The following DDX54 variants were observed in gnomAD, a reference collection of about 807,000 sequenced individuals.
DDX54 encodes ATP-dependent RNA helicase DDX54.
DDX54 carries 67 observed loss-of-function variants against 105.5 expected under a neutral mutation model. The ratio of observed to expected loss-of-function variants is 0.64; its 90% CI spans 0.52 to 0.78. DDX54 has a LOEUF of 0.78. Among genes scored for constraint, DDX54 ranks in the 30% least tolerant of loss-of-function variants. The pLI is 0.00. For synonymous variants in DDX54, 514 were observed against 509.9 expected (o/e 1.01, Z -0.11); for missense variants, 1,206 against 1,230.5 (o/e 0.98, Z 0.30).
At chr12:113,184,944 G>T (rs1034268496) in intron 1 of DDX54, among the ~76,000 whole-genome samples, 2 of 152,214 alleles carry the variant, frequency 1.3e-5, no homozygotes, top group Non-Finnish European at 2.9e-5. Flanking sequence ...CTCAAAGTCA[G>T]ATCTTCTGCA....
At chr12:113,176,976 G>T in intron 6 of DDX54, 41 bp from the exon 7 acceptor site, 1 of 1,613,706 alleles carries the variant, frequency 6.2e-7, no homozygotes, top group Non-Finnish European at 8.5e-7. Flanking sequence ...CAGGGCCAGG[G>T]CCACCACCAC....
chr12:113,162,060 T>C (rs1952215324), intron 17 of DDX54, 63 bp from the exon 18 acceptor site: 2 of 1,502,456 alleles, frequency 1.3e-6, no homozygotes, highest in Admixed American at 1.7e-5. Context: ...CGGCTGCCGC[T>C]TGGGGCCTGT....
chr12:113,185,362 T>C lies in DDX54; in HGVS notation c.90A>G (p.Arg30=), dbSNP rs755696789. Residue 30 remains arginine (R), a synonymous_variant, in exon 1 of 20, where the codon CGA becomes CGG. Transcript: ENST00000306014. ...TGCCGCGGGCCTGGGAGGCCGCGCC[T>C]CGGCGCTTCCGGAGCCCTTTCTTCT... ...WRKKKGLRKR[R]GAASQARGSD... The C allele has an allele frequency of 2.5e-6, 4 of 1,581,316 alleles. No individual in the cohort carries two copies. The highest frequency in any genetic ancestry group is 3.4e-6 in the Non-Finnish European group (4 of 1,166,636).
chr12:113,165,966 C>T lies in DDX54; in HGVS notation c.1481G>A (p.Gly494Asp), dbSNP rs766684917. The T allele has an allele frequency of 1.9e-6, 3 of 1,613,326 alleles. No individual in the cohort carries two copies. The highest frequency in any genetic ancestry group is 2.5e-6 in the Non-Finnish European group (3 of 1,180,024). Residue 494 changes from glycine to aspartate, a missense_variant, in exon 13 of 20, where the codon GGT (glycine) becomes GAT (aspartate). Gly to Asp is a moderately conservative substitution (Grantham distance 94). Transcript: ENST00000306014. ...PQSVVDEEDS[G>D]LQSTLEASLE... ...CGATGCCTCCAGGGTGCTCTGCAGA[C>T]CACTGTCCTCCTCGTCCACCACACT...
intron 12 of DDX54, among the ~76,000 whole-genome samples, chr12:113,169,330 T>C (rs763634230): frequency 6.7e-6 from 1 of 150,168 alleles, no homozygotes; most frequent in Admixed American, 6.6e-5. Context: ...CGTTAAAAAA[T>C]AGAAGGAATC....
At chr12:113,168,669 G>A (rs1430608786) in intron 12 of DDX54, among the ~76,000 whole-genome samples, 3 of 151,938 alleles carry the variant, frequency 2.0e-5, no homozygotes, top group African/African-American at 7.3e-5. Flanking sequence ...AGTGGCTCAC[G>A]CCTGTAATTC....
intron 11 of DDX54, 111 bp from the exon 12 acceptor site, chr12:113,170,015 C>T: frequency 6.9e-7 from 1 of 1,449,208 alleles, no homozygotes. Flanking sequence ...TCGAACCTCA[C>T]ACGGCTGCTG....
rs1372709525 is a variant in DDX54, at chr12:113,180,944, C to T, written c.289G>A (p.Gly97Ser). ...AQNKKKKKSG[G>S]FQSMGLSYPV... is the part of the protein sequence containing the mutation. ...TTGCACCCACCCATGGACTGGAAGC[C>T]TCCAGACTTCTTCTTCTTCTTGTTC... The change falls in exon 2 of 20, where the codon GGC becomes AGC. Residue 97 changes from glycine to serine, a missense_variant. By Grantham distance (56) the Gly-to-Ser change is moderately conservative (BLOSUM62 0). Transcript: ENST00000306014. 6.2e-7 allele frequency: 1 copy of T among 1,613,616 alleles called. No individual in the cohort carries two copies. The highest frequency in any genetic ancestry group is 8.5e-7 in the Non-Finnish European group (1 of 1,179,844).
intron 17 of DDX54, among the ~76,000 whole-genome samples, chr12:113,162,475 G>T (rs191792281): frequency 6.6e-6 from 1 of 152,342 alleles, no homozygotes; most frequent in African/African-American, 2.4e-5. Context: ...CACACCTGCT[G>T]TGAGTGGTCA....
At chr12:113,167,032 G>C (rs578047965) in intron 12 of DDX54, among the ~76,000 whole-genome samples, 17 of 152,262 alleles carry the variant, frequency 1.1e-4, no homozygotes, top group African/African-American at 4.1e-4. Flanking sequence ...AACCTATGAG[G>C]AAAGTACCTG....
In DDX54 at chr12:113,163,209, C is replaced by T. The variant is rs1952231832; in HGVS notation, c.2004G>A (p.Arg668=). Reference sequence around the variant, plus strand: ...CCCGCTGCCGGGCCTCCTCCCTCCGCCTCTTGGCTCCCCTGTTGGGTCCTG... The same window carrying T: ...CCCGCTGCCGGGCCTCCTCCCTCCGTCTCTTGGCTCCCCTGTTGGGTCCTG... ...QRSGPNRGAK[R]RREEARQRDQ... is the part of the protein sequence containing the mutation. The change falls in exon 16 of 20, where the codon AGG becomes AGA. Residue 668 remains arginine, a synonymous_variant. Coordinates refer to ENST00000306014, the MANE Select transcript of DDX54 (RefSeq NM_024072.4). The surrounding 1 kb of genome is among the most constrained non-coding windows in gnomAD (Gnocchi z 5.9). 1 of 1,612,208 alleles carries T rather than the reference C, an allele frequency of 6.2e-7. No homozygotes were observed. Among genetic ancestry groups the T allele is most frequent in the Non-Finnish European group, 8.5e-7 (1 of 1,180,002 alleles).
chr12:113,161,456 A>G (rs951338301), intron 18 of DDX54, 74 bp from the exon 19 acceptor site: 5 of 1,220,408 alleles, frequency 4.1e-6, no homozygotes, highest in African/African-American at 3.0e-5. Context: ...CTGCCCCAGC[A>G]GACAGAGTTC....
chr12:113,170,019 G>T, intron 11 of DDX54, 115 bp from the exon 12 acceptor site: 1 of 1,410,154 alleles, frequency 7.1e-7, no homozygotes, highest in Non-Finnish European at 9.5e-7. Context: ...ACCTCACACG[G>T]CTGCTGTCCC....
rs1174820571 is a variant in DDX54, at chr12:113,163,472, G to A, written c.1939-198C>T. On this transcript the variant is annotated intron_variant, in intron 15 of 19. Coordinates refer to ENST00000306014, the MANE Select transcript of DDX54 (RefSeq NM_024072.4). This position sits in a 1 kb window ranked among gnomAD's most constrained non-coding sequence, Gnocchi z 5.9. ...CAGTTTCCTCATCTGCACACACAGTGCAACCCCTGCCTCAGGGACCAGCAG... is the reference window on the plus strand; with the variant it reads ...CAGTTTCCTCATCTGCACACACAGTACAACCCCTGCCTCAGGGACCAGCAG... 6.6e-6 allele frequency among the ~76,000 whole-genome samples: 1 copy of A among 152,152 alleles called. No individual in the cohort carries two copies. The highest frequency in any genetic ancestry group is 2.4e-5 in the African/African-American group (1 of 41,438).
chr12:113,181,118 G>A, intron 1 of DDX54, 60 bp from the exon 2 acceptor site: 2 of 1,567,780 alleles, frequency 1.3e-6, no homozygotes, highest in Non-Finnish European at 1.7e-6. Context: ...ACAGGGGGCA[G>A]GGAAGGGGCC....
intron 12 of DDX54, 42 bp downstream of exon 12, chr12:113,169,728 G>A: frequency 6.2e-7 from 1 of 1,600,922 alleles, no homozygotes. Context: ...CAGGGCCCAT[G>A]AACTCCACGG....
At position 113,166,422 on chromosome 12, in the gene DDX54, C is replaced by T. The variant is rs1162673981; in HGVS notation, c.1415-390G>A. Among the ~76,000 whole-genome samples, 4 of 152,124 alleles carry T rather than the reference C, an allele frequency of 2.6e-5. No individual in the cohort carries two copies. The South Asian group carries it at 6.2e-4, about 24-fold the overall frequency. ...TCTAAAAAAAAAAAACTTTGTTGGC[C>T]GGGTGCGGTGGCTCATGCCTATAAT... On this transcript the variant is annotated intron_variant, in intron 12 of 19. Transcript: ENST00000306014.
intron 11 of DDX54, among the ~76,000 whole-genome samples, chr12:113,171,677 G>A (rs1031229760): frequency 2.6e-5 from 4 of 151,796 alleles, no homozygotes; most frequent in Non-Finnish European, 4.4e-5. Flanking sequence ...CCACTCCACT[G>A]CACACTGGGA....
Position 113,185,431 on chromosome 12 carries a change from C to G in DDX54, c.21G>C (p.Pro7=). The part of the protein sequence containing the change: MAADKG[P]AAGPRSRAAM... ...CAGCTCGCGACCGAGGTCCAGCCGC[C>G]GGGCCCTTGTCGGCCGCCATTCGGG... is the stretch of plus-strand genomic sequence containing the variant. The change falls in exon 1 of 20, where the codon CCG becomes CCC. Residue 7 remains proline, a synonymous_variant. Coordinates refer to ENST00000306014, the MANE Select transcript of DDX54 (RefSeq NM_024072.4). 6.6e-7 allele frequency: 1 copy of G among 1,519,164 alleles called. No individual in the cohort carries two copies. Among genetic ancestry groups the G allele is most frequent in the Non-Finnish European group, 8.8e-7 (1 of 1,136,662 alleles). The allele number at this position is 1,519,164 out of a possible 1,614,324, so 94.1% of individuals were successfully genotyped here.
Sources: gnomAD v4.1 joint callset for allele counts (sites outside exome capture counted in the v4.1 genomes callset) on GRCh38, gnomAD v4.1.1 for gene constraint, Gnocchi (gnomAD v3.1) non-coding constraint, MANE v1.5 for transcripts, NCBI Gene and HGNC (gene_info 2026-07-23, HGNC 2026-07-21) for gene names.